Variants in GPC6 observed in about 807,000 individuals in gnomAD.
GPC6 encodes glypican 6, also known as glypican-6.
A neutral mutation model predicts 55.2 loss-of-function variants in GPC6; 14 were observed. That is an observed-to-expected ratio of 0.25 (90% CI 0.17 to 0.40). The LOEUF (loss-of-function observed/expected upper bound fraction) is 0.40, where lower values mean the gene tolerates loss of function less well. GPC6 is among the 10% of genes least tolerant of loss of function. GPC6 has a pLI of 1.00. For missense variants in GPC6, 641 were observed against 708.5 expected (o/e 0.90, Z 1.08); for synonymous variants, 278 against 259.6 (o/e 1.07, Z -0.68).
At chr13:93,832,122 A>AATAT (rs71126419) in intron 3 of GPC6, among the ~76,000 whole-genome samples, 2,236 of 11,970 alleles carry the variant, frequency 0.19, 241 homozygotes, top group Middle Eastern at 0.22. Flanking sequence ...AAAAAAAAAA[A>AATAT]ATATATATAT....
chr13:93,788,948 T>C (rs1218203772), intron 2 of GPC6, among the ~76,000 whole-genome samples: 2 of 152,086 alleles, frequency 1.3e-5, no homozygotes, highest in Admixed American at 1.3e-4. Context: ...CAGAGAAAGA[T>C]GATGGTGGTT....
At chr13:93,389,564 A>G (rs567778140) in intron 1 of GPC6, among the ~76,000 whole-genome samples, 1 of 148,572 alleles carries the variant, frequency 6.7e-6, no homozygotes, top group Admixed American at 6.6e-5. Context: ...GGTACCATTT[A>G]TATGTATGTA....
intron 3 of GPC6, among the ~76,000 whole-genome samples, chr13:93,873,419 A>G (rs775778570): frequency 6.6e-6 from 1 of 151,950 alleles, no homozygotes; most frequent in Non-Finnish European, 1.5e-5. Flanking sequence ...TGACTTTGGT[A>G]TTCTGCTCTT....
chr13:93,590,305 G>A (rs1269349697), intron 2 of GPC6, among the ~76,000 whole-genome samples: 1 of 152,134 alleles, frequency 6.6e-6, no homozygotes, highest in Non-Finnish European at 1.5e-5. Flanking sequence ...GTCAGTTCAT[G>A]TTCGTCTTAT....
intron 2 of GPC6, among the ~76,000 whole-genome samples, chr13:93,553,078 A>G (rs1320384383): frequency 1.3e-5 from 2 of 152,158 alleles, no homozygotes; most frequent in Admixed American, 1.3e-4. Context: ...TAGCAAACTC[A>G]TGATCTCCAG....
intron 1 of GPC6, among the ~76,000 whole-genome samples, chr13:93,294,911 C>T (rs1878433662): frequency 2.0e-5 from 3 of 151,720 alleles, no homozygotes; most frequent in Admixed American, 2.0e-4. Flanking sequence ...CTTTCTCTCC[C>T]ACATTCATTG....
At chr13:94,324,750 C>G (rs887881650) in intron 6 of GPC6, among the ~76,000 whole-genome samples, 2 of 151,322 alleles carry the variant, frequency 1.3e-5, no homozygotes, top group Admixed American at 6.6e-5. Flanking sequence ...CACCCATTGT[C>G]CTATCTCAGA....
chr13:93,438,052 A>G (rs1877639084), intron 1 of GPC6, among the ~76,000 whole-genome samples: 1 of 152,164 alleles, frequency 6.6e-6, no homozygotes, highest in Admixed American at 6.6e-5. Context: ...CCAAACCTGG[A>G]TTGACAGTGC....
chr13:94,008,519 G>A (rs1169668723), intron 3 of GPC6, among the ~76,000 whole-genome samples: 3 of 152,088 alleles, frequency 2.0e-5, no homozygotes, highest in Non-Finnish European at 2.9e-5. Flanking sequence ...AGGCGTGTTG[G>A]CACACACCTG....
chr13:93,494,646 T>C (rs1306924910), intron 1 of GPC6, among the ~76,000 whole-genome samples: 1 of 152,110 alleles, frequency 6.6e-6, no homozygotes, highest in Admixed American at 6.5e-5. Context: ...TGGCATGATT[T>C]TGCAGCGGCT....
intron 1 of GPC6, among the ~76,000 whole-genome samples, chr13:93,244,705 A>G (rs1285825901): frequency 6.6e-6 from 1 of 152,214 alleles, no homozygotes; most frequent in Non-Finnish European, 1.5e-5. Context: ...TGAAGGAGAC[A>G]GTCTCTCCCC....
intron 4 of GPC6, among the ~76,000 whole-genome samples, chr13:94,279,722 G>A (rs1892317616): frequency 1.3e-5 from 2 of 152,146 alleles, no homozygotes; most frequent in African/African-American, 4.8e-5. Context: ...TCAGGAGCAG[G>A]TTGTTCCATT....
At chr13:94,091,202 T>G (rs1885468614) in intron 4 of GPC6, among the ~76,000 whole-genome samples, 1 of 152,196 alleles carries the variant, frequency 6.6e-6, no homozygotes, top group Non-Finnish European at 1.5e-5. Context: ...TAATATCATC[T>G]ACTTACCAGT....
intron 4 of GPC6, among the ~76,000 whole-genome samples, chr13:94,067,496 CTCT>C (rs1594709300): frequency 6.6e-6 from 1 of 152,140 alleles, no homozygotes; most frequent in East Asian, 1.9e-4. Flanking sequence ...CTCTCTCTCT[CTCT>C]CTCTGTGTCT....
chr13:94,188,611 C>T (rs906473307), intron 4 of GPC6, among the ~76,000 whole-genome samples: 17 of 152,122 alleles, frequency 1.1e-4, no homozygotes, highest in African/African-American at 2.9e-4. Flanking sequence ...TGGAAGGAGA[C>T]GGGAGCCATG....
chr13:94,108,958 T>G (rs991516101), intron 4 of GPC6, among the ~76,000 whole-genome samples: 1 of 152,216 alleles, frequency 6.6e-6, no homozygotes, highest in Admixed American at 6.5e-5. Context: ...ACTTACCACC[T>G]GTTATTCTTC....
chr13:94,258,788 T>C (rs555424529), intron 4 of GPC6, among the ~76,000 whole-genome samples: 3 of 152,168 alleles, frequency 2.0e-5, no homozygotes, highest in Non-Finnish European at 2.9e-5. Context: ...GATATTAACA[T>C]TGATTATTTC....
At chr13:93,592,943 A>T (rs1439467398) in intron 2 of GPC6, among the ~76,000 whole-genome samples, 1 of 151,998 alleles carries the variant, frequency 6.6e-6, no homozygotes, top group Non-Finnish European at 1.5e-5. Flanking sequence ...TGATTTGAAG[A>T]TAATTCAGAT....
At chr13:94,384,925 A>T (rs1488522860) in intron 7 of GPC6, among the ~76,000 whole-genome samples, 1 of 152,202 alleles carries the variant, frequency 6.6e-6, no homozygotes, top group East Asian at 1.9e-4. Flanking sequence ...GTCCATCAGC[A>T]GTATGATTAA....
Sources: allele counts gnomAD v4.1 joint callset (sites outside exome capture counted in the v4.1 genomes callset), GRCh38; gene constraint gnomAD v4.1.1; transcripts MANE v1.5; gene names NCBI Gene and HGNC (gene_info 2026-07-23, HGNC 2026-07-21).